Variants in VAT1L observed in about 807,000 individuals in gnomAD.
VAT1L encodes putative NADPH-dependent quinone oxidoreductase VAT1L.
VAT1L carries 34 observed loss-of-function variants against 44.1 expected under a neutral mutation model. The observed-to-expected ratio is 0.77, with a 90% CI of 0.59 to 1.03. VAT1L has a LOEUF of 1.03. Among genes scored for constraint, VAT1L ranks in the 50% least tolerant of loss-of-function variants. The probability of loss-of-function intolerance (pLI) is 0.00; values close to 1 mark genes in which losing one functional copy is unlikely to be tolerated. For missense variants in VAT1L, 615 were observed against 538.8 expected (o/e 1.14, Z -1.40); for synonymous variants, 253 against 202.2 (o/e 1.25, Z -2.13).
intron 7 of VAT1L, among the ~76,000 whole-genome samples, chr16:77,932,270 A>T (rs909885884): frequency 6.6e-6 from 1 of 151,662 alleles, no homozygotes; most frequent in African/African-American, 2.4e-5. Context: ...CAGCTGGCTA[A>T]TTTTTTTGTA....
At chr16:77,842,128 C>T (rs1277916085) in intron 3 of VAT1L, among the ~76,000 whole-genome samples, 1 of 152,220 alleles carries the variant, frequency 6.6e-6, no homozygotes, top group Non-Finnish European at 1.5e-5. Flanking sequence ...ACCTGGTGAT[C>T]TGCCTGCCTT....
intron 2 of VAT1L, 43 bp downstream of exon 2, chr16:77,817,093 T>G (rs746997525): frequency 1.3e-6 from 2 of 1,592,726 alleles, no homozygotes; most frequent in East Asian, 4.5e-5. Flanking sequence ...TCATTTGGAA[T>G]CCATTGAGAC....
Position 77,977,848 on chromosome 16 carries a change from TG to T in VAT1L, c.*154del. ...GAGCTAAAAAGCTGTTGATCACTGT[TG>T]TTTTTTGAAGTGCCAATCCCATGCC... On this transcript the variant is annotated 3_prime_UTR_variant, in exon 9 of 9. Transcript: ENST00000302536. 2 of 729,818 alleles carry T rather than the reference TG, an allele frequency of 2.7e-6. No individual in the cohort carries two copies. The highest frequency in any genetic ancestry group is 4.6e-6 in the Non-Finnish European group (2 of 434,714). The allele number at this position is 729,818 out of a possible 1,614,324, so 45.2% of individuals were successfully genotyped here.
chr16:77,876,981 GTTC>G (rs2017094457), intron 5 of VAT1L, among the ~76,000 whole-genome samples: 1 of 151,934 alleles, frequency 6.6e-6, no homozygotes, highest in Non-Finnish European at 1.5e-5. Flanking sequence ...ACACATGTCT[GTTC>G]TTCTTCTCCT....
At chr16:77,972,911 C>T (rs2018295793) in intron 8 of VAT1L, among the ~76,000 whole-genome samples, 1 of 151,816 alleles carries the variant, frequency 6.6e-6, no homozygotes. Flanking sequence ...GTCTTGAGCT[C>T]CTGAGCTCAA....
chr16:77,823,926 G>C (rs1421858976), intron 2 of VAT1L, among the ~76,000 whole-genome samples: 1 of 152,172 alleles, frequency 6.6e-6, no homozygotes, highest in East Asian at 1.9e-4. Context: ...GGGAGGCTGA[G>C]ACAGGACAAT....
At chr16:77,946,627 TA>T (rs1243661811) in intron 7 of VAT1L, among the ~76,000 whole-genome samples, 1 of 152,236 alleles carries the variant, frequency 6.6e-6, no homozygotes, top group African/African-American at 2.4e-5. Flanking sequence ...GAATTTTATT[TA>T]AAAAGTATTT....
chr16:77,891,283 G>A (rs1220122911), intron 7 of VAT1L, among the ~76,000 whole-genome samples: 3 of 152,120 alleles, frequency 2.0e-5, no homozygotes, highest in Non-Finnish European at 4.4e-5. Context: ...GAACCCAGGA[G>A]GTGGAGCTTG....
chr16:77,827,899 A>G (rs1461462915), intron 3 of VAT1L, among the ~76,000 whole-genome samples: 2 of 152,148 alleles, frequency 1.3e-5, no homozygotes, highest in Admixed American at 6.5e-5. Context: ...TCTTAATGTA[A>G]TCTAAGAGCA....
chr16:77,862,901 T>C lies in VAT1L; in HGVS notation c.722+11T>C. On this transcript the variant is annotated intron_variant, in intron 4 of 8. Transcript: ENST00000302536. ...GCAAGAAGTTAAAAGGTAAGATGTT[T>C]GCTTTTGAAAAAGCACCAGGCTGGC... 2 of 1,613,044 alleles carry C rather than the reference T, an allele frequency of 1.2e-6. No individual in the cohort carries two copies. The highest frequency in any genetic ancestry group is 1.7e-6 in the Non-Finnish European group (2 of 1,179,574).
At chr16:77,811,153 C>G (rs2016257289) in intron 1 of VAT1L, among the ~76,000 whole-genome samples, 1 of 152,148 alleles carries the variant, frequency 6.6e-6, no homozygotes, top group Admixed American at 6.5e-5. Flanking sequence ...GCTGAGGATA[C>G]TGACAACCTG....
chr16:77,913,362 C>T (rs1017561118), intron 7 of VAT1L, among the ~76,000 whole-genome samples: 1 of 151,606 alleles, frequency 6.6e-6, no homozygotes, highest in Admixed American at 6.6e-5. Flanking sequence ...GTCTCTAATT[C>T]TTTCCTTCTA....
chr16:77,876,570 G>A, intron 5 of VAT1L, 97 bp downstream of exon 5: 1 of 1,060,200 alleles, frequency 9.4e-7, no homozygotes, highest in Admixed American at 1.9e-5. Context: ...TGATATGTTG[G>A]GGTAGTGGGA....
intron 7 of VAT1L, among the ~76,000 whole-genome samples, chr16:77,965,262 A>C (rs934369405): frequency 6.6e-6 from 1 of 152,204 alleles, no homozygotes; most frequent in African/African-American, 2.4e-5. Flanking sequence ...ACGAATGAGT[A>C]GTATAGATAT....
chr16:77,894,113 G>A (rs1488589467), intron 7 of VAT1L, among the ~76,000 whole-genome samples: 1 of 152,142 alleles, frequency 6.6e-6, no homozygotes, highest in Non-Finnish European at 1.5e-5. Flanking sequence ...TCCATGCTAT[G>A]GACATTAGCG....
At chr16:77,902,972 G>GAAAAAAAAAAAAAAAAAAAAAAA (rs11307214) in intron 7 of VAT1L, among the ~76,000 whole-genome samples, 1 of 96,392 alleles carries the variant, frequency 1.0e-5, no homozygotes, top group Non-Finnish European at 2.0e-5. Flanking sequence ...GACTCTGTCT[G>GAAAAAAAAAAAAAAAAAAAAAAA]AAAAAAAAAA....
At chr16:77,869,618 G>C (rs2017009609) in intron 4 of VAT1L, among the ~76,000 whole-genome samples, 1 of 152,124 alleles carries the variant, frequency 6.6e-6, no homozygotes, top group African/African-American at 2.4e-5. Flanking sequence ...GCAGTGAGCT[G>C]TGGGCATGTC....
At chr16:77,896,200 T>A (rs368398222) in intron 7 of VAT1L, among the ~76,000 whole-genome samples, 1 of 152,220 alleles carries the variant, frequency 6.6e-6, no homozygotes, top group Admixed American at 6.5e-5. Flanking sequence ...TTTGTTCCAG[T>A]TGTTAACTTG....
intron 7 of VAT1L, among the ~76,000 whole-genome samples, chr16:77,967,246 C>G (rs1202511424): frequency 6.6e-6 from 1 of 152,144 alleles, no homozygotes; most frequent in Admixed American, 6.5e-5. Flanking sequence ...AGGCAAGAAC[C>G]TTGGATGTTT....
Sources: allele counts gnomAD v4.1 joint callset (sites outside exome capture counted in the v4.1 genomes callset), GRCh38; gene constraint gnomAD v4.1.1; transcripts MANE v1.5; gene names NCBI Gene and HGNC (gene_info 2026-07-23, HGNC 2026-07-21).